EPHA6: variants seen among roughly 807,000 people sequenced by gnomAD.
The protein encoded by EPHA6 is ephrin type-A receptor 6.
A neutral mutation model predicts 112.0 loss-of-function variants in EPHA6; 50 were observed. The ratio of observed to expected loss-of-function variants is 0.45; its 90% CI spans 0.36 to 0.56. The LOEUF (loss-of-function observed/expected upper bound fraction) is 0.56, where lower values mean the gene tolerates loss of function less well. Ranked by LOEUF, EPHA6 falls within the 20% of genes least tolerant of loss-of-function variation. The pLI, the probability that EPHA6 is intolerant of heterozygous loss-of-function variation, is 0.00. For synonymous variants in EPHA6, 529 were observed against 490.7 expected (o/e 1.08, Z -1.03); for missense variants, 1,280 against 1,417.4 (o/e 0.90, Z 1.56).
At position 97,753,780 on chromosome 3, in the gene EPHA6, A is replaced by G. The variant is rs1559651105; in HGVS notation, c.*5079A>G. 6.6e-6 allele frequency among the ~76,000 whole-genome samples: 1 copy of G among 152,160 alleles called. No homozygotes were observed. ...AGATGATTACTCCTGACTATAACAT[A>G]TTACTAAGTGAAATGATAGAAACAT... On this transcript the variant is annotated 3_prime_UTR_variant, in exon 18 of 18. Transcript: ENST00000389672.
At chr3:97,114,966 T>G (rs778917276) in intron 3 of EPHA6, among the ~76,000 whole-genome samples, 28 of 151,532 alleles carry the variant, frequency 1.8e-4, no homozygotes, top group Non-Finnish European at 3.5e-4. Context: ...AATGAAGGAG[T>G]CATATTTGAG....
intron 6 of EPHA6, among the ~76,000 whole-genome samples, chr3:97,441,180 T>G (rs1300148829): frequency 6.6e-6 from 1 of 151,966 alleles, no homozygotes; most frequent in Admixed American, 6.6e-5. Flanking sequence ...TGAGATAACT[T>G]ATAAGTATAT....
At chr3:97,230,052 A>C (rs2078479565) in intron 4 of EPHA6, among the ~76,000 whole-genome samples, 1 of 152,128 alleles carries the variant, frequency 6.6e-6, no homozygotes, top group African/African-American at 2.4e-5. Context: ...TGGACAACAT[A>C]CTACAGTTTA....
At position 97,014,683 on chromosome 3, in the gene EPHA6, A is replaced by G. The variant is rs565002283; in HGVS notation, c.1114+26690A>G. ...TATATCATATAATAATTCTGTACCT[A>G]CTAATGAAACATTGAAGAGTCCAGC... is the stretch of plus-strand genomic sequence containing the variant. On this transcript the variant is annotated intron_variant, in intron 3 of 17. Coordinates refer to ENST00000389672, the MANE Select transcript of EPHA6 (RefSeq NM_001080448.3). 8.5e-5 allele frequency among the ~76,000 whole-genome samples: 13 copies of G among 152,304 alleles called. No individual in the cohort carries two copies. The South Asian group carries it at 2.7e-3, about 32-fold the overall frequency.
intron 3 of EPHA6, among the ~76,000 whole-genome samples, chr3:97,030,013 A>G (rs1433318328): frequency 6.6e-6 from 1 of 152,112 alleles, no homozygotes; most frequent in Non-Finnish European, 1.5e-5. Context: ...TTGTCAATAG[A>G]ATGATCCAGA....
chr3:97,226,207 C>A, intron 3 of EPHA6, 57 bp from the exon 4 acceptor site: 1 of 1,447,660 alleles, frequency 6.9e-7, no homozygotes, highest in Non-Finnish European at 9.4e-7. Context: ...TGTACATGTA[C>A]AAATAAAAGA....
chr3:97,599,381 A>G (rs1231327378), intron 12 of EPHA6, among the ~76,000 whole-genome samples: 4 of 148,424 alleles, frequency 2.7e-5, no homozygotes, highest in Non-Finnish European at 6.0e-5. Flanking sequence ...GTTTTCTTCT[A>G]GGGTTTTTAT....
intron 2 of EPHA6, among the ~76,000 whole-genome samples, chr3:96,979,543 T>G (rs1170431276): frequency 1.3e-5 from 2 of 152,230 alleles, no homozygotes; most frequent in African/African-American, 2.4e-5. Flanking sequence ...CAGCATGATT[T>G]ATAATCCTTT....
At chr3:97,746,985 C>T (rs2035742138) in intron 16 of EPHA6, among the ~76,000 whole-genome samples, 1 of 151,782 alleles carries the variant, frequency 6.6e-6, no homozygotes, top group South Asian at 2.1e-4. Flanking sequence ...GACATGGATT[C>T]AGGGGTAGGT....
Position 97,684,235 on chromosome 3 carries a change from G to C in EPHA6, c.2785-36026G>C, listed in dbSNP as rs185355559. ...GCAAATATTTTTCAATTAATGAATGGGTAAATTAATGAATATAAGAATAAA... is the reference window on the plus strand; with the variant it reads ...GCAAATATTTTTCAATTAATGAATGCGTAAATTAATGAATATAAGAATAAA... On this transcript the variant is annotated intron_variant, in intron 14 of 17. Coordinates refer to ENST00000389672, the MANE Select transcript of EPHA6 (RefSeq NM_001080448.3). Among the ~76,000 whole-genome samples the C allele has an allele frequency of 3.0e-4, 45 of 151,902 alleles. No individual in the cohort carries two copies. The East Asian group carries it at 8.5e-3, about 29-fold the overall frequency.
intron 3 of EPHA6, among the ~76,000 whole-genome samples, chr3:97,000,990 G>C (rs1159576947): frequency 9.9e-6 from 1 of 100,506 alleles, no homozygotes; most frequent in Non-Finnish European, 2.0e-5. Flanking sequence ...TTTTTTTTCT[G>C]TAAACTCTCC....
rs774521290 is a variant in EPHA6, at chr3:96,882,768, G to GTGTATATA, written c.450+15880_450+15881insGTATATAT. On this transcript the variant is annotated intron_variant, in intron 2 of 17. Coordinates refer to ENST00000389672, the MANE Select transcript of EPHA6 (RefSeq NM_001080448.3). ...TGTGTGTGTGTGTGTGTGTGTGTGT[G>GTGTATATA]TATAGTCAATCATCAATCTATGTGA... Among the ~76,000 whole-genome samples the GTGTATATA allele has an allele frequency of 5.2e-3, 769 of 148,894 alleles. 3 individuals are homozygous for GTGTATATA. Among genetic ancestry groups the GTGTATATA allele is most frequent in the East Asian group, 0.018 (89 of 5,006 alleles).
At chr3:97,529,174 T>A (rs2092666478) in intron 10 of EPHA6, among the ~76,000 whole-genome samples, 1 of 152,056 alleles carries the variant, frequency 6.6e-6, no homozygotes, top group Admixed American at 6.6e-5. Context: ...CAGCAGAGAA[T>A]AATGGTTACA....
intron 4 of EPHA6, among the ~76,000 whole-genome samples, chr3:97,229,721 A>G (rs945580565): frequency 1.3e-5 from 2 of 152,128 alleles, no homozygotes; most frequent in Non-Finnish European, 2.9e-5. Flanking sequence ...CTGTATTACT[A>G]TAGATTTCCT....
chr3:96,992,151 T>G (rs1264950099), intron 3 of EPHA6, among the ~76,000 whole-genome samples: 3 of 152,120 alleles, frequency 2.0e-5, no homozygotes, highest in Non-Finnish European at 4.4e-5. Flanking sequence ...ATCAACAACG[T>G]TATGAAGTGG....
At chr3:97,728,614 C>A (rs2034889250) in intron 15 of EPHA6, among the ~76,000 whole-genome samples, 1 of 152,116 alleles carries the variant, frequency 6.6e-6, no homozygotes, top group Non-Finnish European at 1.5e-5. Context: ...TTCCTACAGA[C>A]TAAATCTTTG....
At chr3:97,344,020 G>A (rs2083429266) in intron 5 of EPHA6, among the ~76,000 whole-genome samples, 1 of 152,166 alleles carries the variant, frequency 6.6e-6, no homozygotes, top group South Asian at 2.1e-4. Flanking sequence ...TAGTGGGAAT[G>A]TCTGTCCTAT....
intron 3 of EPHA6, among the ~76,000 whole-genome samples, chr3:97,185,414 C>A (rs1456459061): frequency 6.6e-6 from 1 of 152,100 alleles, no homozygotes; most frequent in Non-Finnish European, 1.5e-5. Flanking sequence ...AGGATATGAA[C>A]AGACACTTCT....
At chr3:97,009,627 G>A (rs544261800) in intron 3 of EPHA6, among the ~76,000 whole-genome samples, 14 of 152,350 alleles carry the variant, frequency 9.2e-5, no homozygotes, top group African/African-American at 2.6e-4. Context: ...GGTGCTGGTT[G>A]CCCCTCCCCC....
Sources: allele counts gnomAD v4.1 joint callset (sites outside exome capture counted in the v4.1 genomes callset), GRCh38; gene constraint gnomAD v4.1.1; transcripts MANE v1.5; gene names NCBI Gene and HGNC (gene_info 2026-07-23, HGNC 2026-07-21).